NRXN3: variants seen among roughly 807,000 people sequenced by gnomAD.
NRXN3 encodes the protein neurexin III.
In NRXN3, 32 loss-of-function variants were observed where a neutral mutation model predicts 137.6. The ratio of observed to expected loss-of-function variants is 0.23; its 90% CI spans 0.18 to 0.31. The LOEUF (loss-of-function observed/expected upper bound fraction) is 0.31, where lower values mean the gene tolerates loss of function less well. NRXN3 is among the 10% of genes least tolerant of loss of function. The pLI is 1.00. For synonymous variants in NRXN3, 798 were observed against 784.5 expected (o/e 1.02, Z -0.29); for missense variants, 1,574 against 2,062.5 (o/e 0.76, Z 4.59).
rs1392397156 is a variant in NRXN3, at chr14:79,863,419, T to A, written c.*1455T>A. Reference sequence around the variant, plus strand: ...GTCTTAAAATGGAATGAGAATGTTGTTTTAAAAGAAAATAGCAAAACAACA... The same window carrying A: ...GTCTTAAAATGGAATGAGAATGTTGATTTAAAAGAAAATAGCAAAACAACA... On this transcript the variant is annotated 3_prime_UTR_variant, in exon 21 of 21. Transcript: ENST00000335750. 6.6e-6 allele frequency: 1 copy of A among 152,102 alleles called. No homozygotes were observed. The highest frequency in any genetic ancestry group is 1.5e-5 in the Non-Finnish European group (1 of 67,948). 9.4% of individuals were successfully genotyped at this position (152,102 alleles called of 1,614,324 possible).
At chr14:78,578,447 A>G (rs2096958988) in intron 4 of NRXN3, among the ~76,000 whole-genome samples, 1 of 152,218 alleles carries the variant, frequency 6.6e-6, no homozygotes, top group African/African-American at 2.4e-5. Flanking sequence ...CAATGCATCA[A>G]CATCTGTCTA....
intron 1 of NRXN3, among the ~76,000 whole-genome samples, chr14:78,191,763 C>T (rs936899387): frequency 6.6e-5 from 10 of 152,122 alleles, no homozygotes; most frequent in Non-Finnish European, 1.2e-4. Flanking sequence ...CCAAGCAGAC[C>T]CCTAGGTCAC....
chr14:78,994,409 C>T (rs1247081521), intron 15 of NRXN3, among the ~76,000 whole-genome samples: 1 of 152,104 alleles, frequency 6.6e-6, no homozygotes, highest in African/African-American at 2.4e-5. Context: ...AATTAGATTT[C>T]CCAACTTCTT....
intron 19 of NRXN3, among the ~76,000 whole-genome samples, chr14:79,763,616 T>A (rs1396868163): frequency 6.7e-6 from 1 of 150,118 alleles, no homozygotes; most frequent in Non-Finnish European, 1.5e-5. Context: ...GGCTGGGGAG[T>A]CTGAGATCAA....
In NRXN3 at chr14:78,459,175, A is replaced by T. The variant is rs78716140; in HGVS notation, c.757+161315A>T. Among the ~76,000 whole-genome samples the T allele has an allele frequency of 6.2e-3, 946 of 152,326 alleles. 6 individuals carry two copies. Among genetic ancestry groups the T allele is most frequent in the African/African-American group, 0.021 (893 of 41,558 alleles). On this transcript the variant is annotated intron_variant, in intron 4 of 20. Transcript: ENST00000335750. ...TATTGCCAGCCACTGAAATGAAAGG[A>T]ATCAAGAGAATAATGGGAAAAGTAT...
At chr14:79,551,135 T>C (rs1448855996) in intron 16 of NRXN3, among the ~76,000 whole-genome samples, 1 of 152,220 alleles carries the variant, frequency 6.6e-6, no homozygotes, top group East Asian at 1.9e-4. Context: ...CCCAGGATTG[T>C]TAAGAGAAGT....
At chr14:79,570,273 T>C (rs1178958493) in intron 16 of NRXN3, among the ~76,000 whole-genome samples, 2 of 152,164 alleles carry the variant, frequency 1.3e-5, no homozygotes, top group Non-Finnish European at 2.9e-5. Context: ...CATGAGAATG[T>C]TCCTTCATCC....
chr14:79,116,346 C>A (rs1200597716), intron 15 of NRXN3, among the ~76,000 whole-genome samples: 1 of 152,150 alleles, frequency 6.6e-6, no homozygotes. Flanking sequence ...CATCTGCAGA[C>A]CTCTAACTCT....
At chr14:78,973,785 A>G (rs2099453289) in intron 14 of NRXN3, among the ~76,000 whole-genome samples, 1 of 152,172 alleles carries the variant, frequency 6.6e-6, no homozygotes, top group Non-Finnish European at 1.5e-5. Flanking sequence ...CTGATTGTCA[A>G]GCAGGAGACT....
intron 4 of NRXN3, among the ~76,000 whole-genome samples, chr14:78,351,248 T>G (rs1241427174): frequency 6.6e-6 from 1 of 152,260 alleles, no homozygotes; most frequent in Admixed American, 6.5e-5. Flanking sequence ...ACTACATTCC[T>G]TTCTTCTAGT....
At chr14:78,220,301 T>C (rs1002467659) in intron 1 of NRXN3, among the ~76,000 whole-genome samples, 3 of 151,442 alleles carry the variant, frequency 2.0e-5, no homozygotes, top group Non-Finnish European at 4.4e-5. Flanking sequence ...TGAAGGGTGG[T>C]GGGGAGAAAA....
At chr14:78,604,421 A>G (rs2152447182) in intron 4 of NRXN3, among the ~76,000 whole-genome samples, 1 of 152,228 alleles carries the variant, frequency 6.6e-6, no homozygotes, top group African/African-American at 2.4e-5. Flanking sequence ...AAGAGAAATA[A>G]CCCAAGAAGA....
At chr14:79,510,382 G>T (rs2096921221) in intron 16 of NRXN3, among the ~76,000 whole-genome samples, 1 of 152,176 alleles carries the variant, frequency 6.6e-6, no homozygotes, top group African/African-American at 2.4e-5. Flanking sequence ...CATGAAAAGA[G>T]CATGGGTAGA....
chr14:78,888,748 C>T (rs1014585660), intron 10 of NRXN3, among the ~76,000 whole-genome samples: 2 of 151,560 alleles, frequency 1.3e-5, no homozygotes, highest in African/African-American at 4.9e-5. Flanking sequence ...TGTAATGTAC[C>T]CATACAGCCA....
chr14:78,588,237 G>GT (rs1232983295), intron 4 of NRXN3, among the ~76,000 whole-genome samples: 1 of 152,146 alleles, frequency 6.6e-6, no homozygotes, highest in African/African-American at 2.4e-5. Context: ...TAAATGAAAA[G>GT]TTTTTGTAGC....
At chr14:79,468,679 C>G (rs1015754098) in intron 16 of NRXN3, among the ~76,000 whole-genome samples, 5 of 152,172 alleles carry the variant, frequency 3.3e-5, no homozygotes, top group Non-Finnish European at 7.3e-5. Flanking sequence ...CACAGCAGTG[C>G]GCATGTCTGA....
intron 16 of NRXN3, among the ~76,000 whole-genome samples, chr14:79,557,743 G>A (rs1475811917): frequency 1.3e-5 from 2 of 152,140 alleles, no homozygotes; most frequent in African/African-American, 4.8e-5. Flanking sequence ...GCTACTGACA[G>A]GGTGGCAGTT....
At chr14:78,641,355 C>G (rs2097627530) in intron 4 of NRXN3, among the ~76,000 whole-genome samples, 1 of 152,062 alleles carries the variant, frequency 6.6e-6, no homozygotes, top group South Asian at 2.1e-4. Flanking sequence ...TTCTCCTTCT[C>G]CTTTCTAGCC....
chr14:79,223,613 G>T (rs1241570216), intron 15 of NRXN3, among the ~76,000 whole-genome samples: 2 of 152,054 alleles, frequency 1.3e-5, no homozygotes, highest in African/African-American at 2.4e-5. Flanking sequence ...AATGAATGTG[G>T]TCTGATGGTG....
Sources: allele counts gnomAD v4.1 joint callset (sites outside exome capture counted in the v4.1 genomes callset), GRCh38; gene constraint gnomAD v4.1.1; transcripts MANE v1.5; gene names NCBI Gene and HGNC (gene_info 2026-07-23, HGNC 2026-07-21).